Variants in TATDN1 observed in about 807,000 individuals in gnomAD.
TATDN1 encodes deoxyribonuclease TATDN1.
Under a neutral mutation model 46.4 loss-of-function variants are expected in TATDN1, and 40 were observed. That is an observed-to-expected ratio of 0.86 (90% CI 0.67 to 1.12). TATDN1 has a LOEUF of 1.12. Ranked by LOEUF, TATDN1 falls within the 50% of genes most tolerant of loss-of-function variation. TATDN1 has a pLI of 0.00. For missense variants in TATDN1, 326 were observed against 348.4 expected (o/e 0.94, Z 0.51); for synonymous variants, 95 against 105.6 (o/e 0.90, Z 0.62).
intron 2 of TATDN1, 33 bp from the exon 3 acceptor site, chr8:124,522,233 T>A (rs759848703): frequency 1.4e-6 from 2 of 1,461,936 alleles, no homozygotes; most frequent in Non-Finnish European, 1.9e-6. Context: ...TATGAAAACC[T>A]GGCAGACAAA....
chr8:124,538,858 A>G (rs1821744284), intron 1 of TATDN1, 167 bp downstream of exon 1: 5 of 710,010 alleles, frequency 7.0e-6, no homozygotes, highest in Admixed American at 2.3e-5. Flanking sequence ...TAGATCAAGA[A>G]CCAGAGCATT....
chr8:124,503,541 T>C (rs540918332), intron 9 of TATDN1, among the ~76,000 whole-genome samples: 1 of 152,360 alleles, frequency 6.6e-6, no homozygotes, highest in Non-Finnish European at 1.5e-5. Flanking sequence ...CATGATTCTA[T>C]TTCCCTAGAT....
chr8:124,538,636 A>C (rs908502801), intron 1 of TATDN1, among the ~76,000 whole-genome samples: 1 of 152,188 alleles, frequency 6.6e-6, no homozygotes, highest in South Asian at 2.1e-4. Flanking sequence ...GCTTGAGTGA[A>C]TTGGTCCCCA....
chr8:124,522,053 T>G, intron 3 of TATDN1, 98 bp downstream of exon 3: 1 of 727,748 alleles, frequency 1.4e-6, no homozygotes, highest in East Asian at 2.8e-5. Context: ...ACCCCAACTG[T>G]GGCATTGGTT....
intron 9 of TATDN1, 112 bp from the exon 10 acceptor site, chr8:124,495,654 T>G (rs1477917642): frequency 2.7e-6 from 2 of 733,224 alleles, no homozygotes; most frequent in African/African-American, 3.6e-5. Context: ...TATAACACTT[T>G]GTTTTCAGTA....
At chr8:124,508,266 A>G (rs757090634) in intron 8 of TATDN1, among the ~76,000 whole-genome samples, 1 of 152,268 alleles carries the variant, frequency 6.6e-6, no homozygotes, top group Non-Finnish European at 1.5e-5. Context: ...CATACACCTT[A>G]TACCACACCC....
intron 8 of TATDN1, among the ~76,000 whole-genome samples, chr8:124,506,700 C>T (rs1269352689): frequency 6.6e-6 from 1 of 152,192 alleles, no homozygotes; most frequent in Non-Finnish European, 1.5e-5. Context: ...GGTGCTATTT[C>T]CTCTTTCCTT....
chr8:124,488,773 CA>C lies in TATDN1; in HGVS notation c.792-78del, dbSNP rs1816637530. 28 of 885,466 alleles carry C rather than the reference CA, an allele frequency of 3.2e-5. No individual in the cohort carries two copies. The South Asian group carries it at 4.1e-4, about 13-fold the overall frequency. The allele number at this position is 885,466 out of a possible 1,614,324, so 54.9% of individuals were successfully genotyped here. ...TCTAAAGCTATATAATATTTTTCCA[CA>C]CAAAGGAAAATATTGGCACACCTTT... On this transcript the variant is annotated intron_variant, in intron 11 of 11. Coordinates refer to ENST00000276692, the MANE Select transcript of TATDN1 (RefSeq NM_032026.4).
chr8:124,503,825 G>T, intron 9 of TATDN1: 1 of 1,010,346 alleles, frequency 9.9e-7, no homozygotes, highest in Non-Finnish European at 1.4e-6. Flanking sequence ...TCTCATACTT[G>T]GAGAAACTCT....
chr8:124,502,787 G>A (rs1452444771), intron 9 of TATDN1, among the ~76,000 whole-genome samples: 1 of 151,894 alleles, frequency 6.6e-6, no homozygotes, highest in East Asian at 1.9e-4. Context: ...TTATTTACTT[G>A]GCTTTCTTAA....
Position 124,539,069 on chromosome 8 carries a change from C to T in TATDN1, c.-23G>A, listed in dbSNP as rs770172708. 1 of 1,612,184 alleles carries T rather than the reference C, an allele frequency of 6.2e-7. No individual in the cohort carries two copies. Among genetic ancestry groups the T allele is most frequent in the African/African-American group, 1.3e-5 (1 of 74,984 alleles). On this transcript the variant is annotated 5_prime_UTR_variant, in exon 1 of 12. Coordinates refer to ENST00000276692, the MANE Select transcript of TATDN1 (RefSeq NM_032026.4). ...CATGACTGCGCATGGAGGACCTCCC[C>T]AGCGGAAGCGGAAGTGGCCGCCGGC...
intron 3 of TATDN1, among the ~76,000 whole-genome samples, chr8:124,519,887 G>C (rs780313649): frequency 2.0e-5 from 3 of 152,206 alleles, no homozygotes; most frequent in Non-Finnish European, 4.4e-5. Flanking sequence ...CACTGAAGCA[G>C]TGCTGCGTAA....
chr8:124,523,796 G>A (rs932389138), intron 1 of TATDN1, among the ~76,000 whole-genome samples: 7 of 152,184 alleles, frequency 4.6e-5, no homozygotes, highest in Non-Finnish European at 7.3e-5. Context: ...TGCCGATACT[G>A]AGGGAAGACA....
At chr8:124,520,985 CATG>C (rs1819997384) in intron 3 of TATDN1, among the ~76,000 whole-genome samples, 1 of 150,640 alleles carries the variant, frequency 6.6e-6, no homozygotes, top group South Asian at 2.1e-4. Context: ...ATGATGATCT[CATG>C]GTGGTGGCTT....
chr8:124,490,163 AG>A (rs2131323511), intron 11 of TATDN1: 1 of 152,368 alleles, frequency 6.6e-6, no homozygotes, highest in East Asian at 1.9e-4. Flanking sequence ...TGAAGGTCAC[AG>A]CAGCTTTGCT....
chr8:124,493,684 C>A, intron 11 of TATDN1, 149 bp downstream of exon 11: 1 of 815,792 alleles, frequency 1.2e-6, no homozygotes, highest in Non-Finnish European at 1.9e-6. Flanking sequence ...TATGCAAATT[C>A]CTCCAAATCA....
intron 1 of TATDN1, 123 bp from the exon 2 acceptor site, chr8:124,523,125 G>C (rs1820199397): frequency 1.3e-6 from 1 of 745,826 alleles, no homozygotes. Flanking sequence ...ATATCCAAGT[G>C]CCTACCACTT....
At chr8:124,504,180 G>T in intron 9 of TATDN1, 91 bp downstream of exon 9, 2 of 968,220 alleles carry the variant, frequency 2.1e-6, no homozygotes, top group Non-Finnish European at 3.1e-6. Flanking sequence ...AAACTTTAAT[G>T]AAAATAAATC....
In TATDN1 at chr8:124,518,479, G is replaced by A. The variant is rs368085404; in HGVS notation, c.202+339C>T. On this transcript the variant is annotated intron_variant, in intron 4 of 11. Coordinates refer to ENST00000276692, the MANE Select transcript of TATDN1 (RefSeq NM_032026.4). ...GTGGAGTTTGCAGTGAGCCGAGATC[G>A]CACCACTGCACTTCAGCCTGGGTAA... Among the ~76,000 whole-genome samples the A allele has an allele frequency of 5.8e-4, 86 of 148,334 alleles. No homozygotes were observed. In the East Asian group the frequency reaches 0.011, roughly 19 times the overall value.
Sources: allele counts gnomAD v4.1 joint callset (sites outside exome capture counted in the v4.1 genomes callset), GRCh38; gene constraint gnomAD v4.1.1; transcripts MANE v1.5; gene names NCBI Gene and HGNC (gene_info 2026-07-23, HGNC 2026-07-21).